The following TBXAS1 variants were observed in gnomAD, a reference collection of about 807,000 sequenced individuals.
TBXAS1 encodes the protein thromboxane-A synthase.
TBXAS1 carries 48 observed loss-of-function variants against 60.7 expected under a neutral mutation model. The ratio of observed to expected loss-of-function variants is 0.79; its 90% CI spans 0.63 to 1.01. The LOEUF (loss-of-function observed/expected upper bound fraction) is 1.01. Ranked by LOEUF, TBXAS1 falls within the 50% of genes least tolerant of loss-of-function variation. The pLI is 0.00. For missense variants in TBXAS1, 685 were observed against 686.3 expected, an observed-to-expected ratio of 1.00 and a Z score of 0.02; for synonymous variants, 287 against 269.7, an observed-to-expected ratio of 1.06 and a Z score of -0.63.
chr7:139,810,157 C>G (rs1274787886), intron 4 of TBXAS1, among the ~76,000 whole-genome samples: 1 of 152,014 alleles, frequency 6.6e-6, no homozygotes, highest in Non-Finnish European at 1.5e-5. Flanking sequence ...CAACCTCAGC[C>G]TCCCAAATAG....
chr7:139,854,478 GCTT>G lies in TBXAS1; in HGVS notation c.90-17751_90-17749del, dbSNP rs1171583009. ...CATGATGAGATTTGCATATGAGCAA[GCTT>G]CTTCTGGCATTGGTGTGGAGGACTG... is the stretch of plus-strand genomic sequence containing the variant. On this transcript the variant is annotated intron_variant, in intron 1 of 12. Transcript: ENST00000448866. 6.6e-5 allele frequency among the ~76,000 whole-genome samples: 10 copies of G among 152,308 alleles called. No individual in the cohort carries two copies. In the East Asian group the frequency reaches 1.9e-3, roughly 29 times the overall value.
At chr7:139,870,703 G>T (rs1801756429) in intron 1 of TBXAS1, among the ~76,000 whole-genome samples, 1 of 152,188 alleles carries the variant, frequency 6.6e-6, no homozygotes, top group South Asian at 2.1e-4. Context: ...CCTATTAATG[G>T]AGCCATACGG....
upstream of TBXAS1, among the ~76,000 whole-genome samples, chr7:139,827,934 T>C (rs1381381624): frequency 6.6e-6 from 1 of 152,248 alleles, no homozygotes; most frequent in Non-Finnish European, 1.5e-5. Flanking sequence ...GTCTCAACTC[T>C]GGATAACCTG....
chr7:139,978,663 C>A (rs1042112861), intron 9 of TBXAS1, among the ~76,000 whole-genome samples: 1 of 151,494 alleles, frequency 6.6e-6, no homozygotes, highest in Non-Finnish European at 1.5e-5. Flanking sequence ...AAGCAACTGG[C>A]GCAGTGGTTC....
chr7:139,885,126 G>A (rs1802986031), intron 3 of TBXAS1, among the ~76,000 whole-genome samples: 1 of 152,130 alleles, frequency 6.6e-6, no homozygotes, highest in African/African-American at 2.4e-5. Context: ...TTTTAATTTT[G>A]CTTTCCTTGA....
rs796737471 is a variant in TBXAS1, at chr7:139,999,567, TG to T, written c.1135-7522del. On this transcript the variant is annotated intron_variant, in intron 9 of 12. Transcript: ENST00000448866. This position sits in a 1 kb window ranked among gnomAD's most constrained non-coding sequence, Gnocchi z 4.3. ...GGTGAGGGGCTTTGCCTCTGGTTTA[TG>T]GTCAGAAGGGCAAAGCGAAGGTCAC... 2.6e-5 allele frequency among the ~76,000 whole-genome samples: 4 copies of T among 152,342 alleles called. No individual in the cohort carries two copies. Among genetic ancestry groups the T allele is most frequent in the African/African-American group, 9.6e-5 (4 of 41,568 alleles).
At chr7:139,978,958 A>G (rs1301768990) in intron 9 of TBXAS1, among the ~76,000 whole-genome samples, 1 of 152,196 alleles carries the variant, frequency 6.6e-6, no homozygotes, top group Non-Finnish European at 1.5e-5. Context: ...CTTGTCTCAA[A>G]AAAACTAAAA....
chr7:139,825,475 C>G (rs956714032), upstream of TBXAS1, among the ~76,000 whole-genome samples: 1 of 152,146 alleles, frequency 6.6e-6, no homozygotes, highest in Non-Finnish European at 1.5e-5. Flanking sequence ...ATGAAGGGCT[C>G]CAAGAATATT....
intron 10 of TBXAS1, among the ~76,000 whole-genome samples, chr7:140,011,253 G>C (rs1814579291): frequency 6.7e-6 from 1 of 148,484 alleles, no homozygotes; most frequent in Non-Finnish European, 1.5e-5. Context: ...CTCCACCCTG[G>C]GCGGCAGAGC....
At position 139,957,913 on chromosome 7, in the gene TBXAS1, G is replaced by A. The variant is rs1386420072; in HGVS notation, c.819+149G>A. 1.8e-5 allele frequency: 22 copies of A among 1,218,988 alleles called. No homozygotes were observed. In the Admixed American group the frequency reaches 2.6e-4, roughly 14 times the overall value. The allele number at this position is 1,218,988 out of a possible 1,614,324, so 75.5% of individuals were successfully genotyped here. A position where few individuals can be genotyped will look rare whatever the true frequency, so the allele number is the denominator to read the frequency against. ...CCACTTACAGCTTCCAGGGACAGTGGAGAGAACAGAGGAAGGTTGAGGAAG... is the reference window on the plus strand; with the variant it reads ...CCACTTACAGCTTCCAGGGACAGTGAAGAGAACAGAGGAAGGTTGAGGAAG... On this transcript the variant is annotated intron_variant, in intron 8 of 12. Transcript: ENST00000448866.
At chr7:139,898,480 A>G (rs1804295145) in intron 3 of TBXAS1, among the ~76,000 whole-genome samples, 1 of 142,488 alleles carries the variant, frequency 7.0e-6, no homozygotes, top group Admixed American at 7.2e-5. Context: ...CCAGGCTGGA[A>G]AGCAATGGCG....
intron 5 of TBXAS1, among the ~76,000 whole-genome samples, chr7:139,942,668 T>C (rs2117239112): frequency 6.6e-6 from 1 of 152,330 alleles, no homozygotes; most frequent in African/African-American, 2.4e-5. Context: ...CCTAAGGATA[T>C]ATGTGTCACT....
chr7:139,991,978 G>C (rs898131488), intron 9 of TBXAS1, among the ~76,000 whole-genome samples: 2 of 152,196 alleles, frequency 1.3e-5, no homozygotes, highest in African/African-American at 2.4e-5. Context: ...CACTTGCAGG[G>C]GAGCCTCGTG....
intron 4 of TBXAS1, among the ~76,000 whole-genome samples, chr7:139,812,838 C>T (rs1798051080): frequency 2.0e-5 from 3 of 152,246 alleles, no homozygotes; most frequent in Admixed American, 2.0e-4. Context: ...AGGTGTATCA[C>T]TTGAGGTCAG....
chr7:139,857,262 G>A (rs1800644407), intron 1 of TBXAS1, among the ~76,000 whole-genome samples: 1 of 152,082 alleles, frequency 6.6e-6, no homozygotes, highest in Non-Finnish European at 1.5e-5. Flanking sequence ...AGATACAAGA[G>A]GCTGCTTTTT....
chr7:139,846,766 T>C (rs1299139155), intron 1 of TBXAS1, among the ~76,000 whole-genome samples: 2 of 152,104 alleles, frequency 1.3e-5, no homozygotes, highest in African/African-American at 4.8e-5. Flanking sequence ...ACAAGTAAAA[T>C]TAGGTTTTAA....
intron 3 of TBXAS1, among the ~76,000 whole-genome samples, chr7:139,894,198 C>T (rs1206801100): frequency 1.3e-5 from 2 of 152,186 alleles, no homozygotes; most frequent in Non-Finnish European, 1.5e-5. Flanking sequence ...TACCGTGCCA[C>T]CACCCACGCA....
At chr7:139,979,254 CCTCT>C (rs1811791810) in intron 9 of TBXAS1, among the ~76,000 whole-genome samples, 1 of 152,292 alleles carries the variant, frequency 6.6e-6, no homozygotes. Context: ...TAGGGTGTCC[CCTCT>C]CTGTCTGCTG....
intron 9 of TBXAS1, among the ~76,000 whole-genome samples, chr7:139,966,627 A>T (rs902701329): frequency 2.1e-4 from 32 of 151,998 alleles, no homozygotes; most frequent in African/African-American, 7.5e-4. Context: ...TTTTTGTTTC[A>T]TTTTTTTCCC....
Sources: gnomAD v4.1 joint callset for allele counts (sites outside exome capture counted in the v4.1 genomes callset) on GRCh38, gnomAD v4.1.1 for gene constraint, Gnocchi (gnomAD v3.1) non-coding constraint, MANE v1.5 for transcripts, NCBI Gene and HGNC (gene_info 2026-07-23, HGNC 2026-07-21) for gene names.